The following OGG1 variants were observed in gnomAD, a reference collection of about 807,000 sequenced individuals.
OGG1 encodes the protein 8-oxoguanine DNA glycosylase.
A neutral mutation model predicts 42.3 loss-of-function variants in OGG1; 35 were observed. The ratio of observed to expected loss-of-function variants is 0.83; its 90% CI spans 0.63 to 1.10. The LOEUF is 1.10. Among genes scored for constraint, OGG1 ranks in the 50% least tolerant of loss-of-function variants. OGG1 has a pLI of 0.00. For synonymous variants in OGG1, 189 were observed against 179.0 expected, an observed-to-expected ratio of 1.06 and a Z score of -0.44; for missense variants, 484 against 446.7, an observed-to-expected ratio of 1.08 and a Z score of -0.75.
Position 9,771,886 on chromosome 3 carries a change from G to A in OGG1, c.295-9627G>A, listed in dbSNP as rs190638729. On this transcript the variant is annotated intron_variant, in intron 2 of 3. Transcript: ENST00000426518. ...GGCTGGAGTGCAATGGTGCCATCTC[G>A]CCTCACTGCAACCTCCGCCTCCTGG... 3.2e-3 allele frequency among the ~76,000 whole-genome samples: 409 copies of A among 128,974 alleles called. 3 individuals carry two copies. The highest frequency in any genetic ancestry group is 0.028 in the Middle Eastern group (5 of 176). The allele number at this position is 128,974 out of a possible 152,430, so 84.6% of individuals were successfully genotyped here. A position where few individuals can be genotyped will look rare whatever the true frequency, so the allele number is the denominator to read the frequency against.
At chr3:9,763,634 A>G (rs1398078897) in intron 7 of OGG1, among the ~76,000 whole-genome samples, 2 of 152,050 alleles carry the variant, frequency 1.3e-5, no homozygotes, top group Non-Finnish European at 2.9e-5. Flanking sequence ...GTCACATGCT[A>G]TTTGGGTGCA....
chr3:9,781,831 T>G (rs1160568404), intron 3 of OGG1, among the ~76,000 whole-genome samples: 1 of 136,364 alleles, frequency 7.3e-6, no homozygotes, highest in East Asian at 2.3e-4. Flanking sequence ...TGCCCATTAC[T>G]TCTTTTTTTT....
intron 3 of OGG1, chr3:9,787,194 C>CA: frequency 6.2e-7 from 1 of 1,614,196 alleles, no homozygotes; most frequent in Non-Finnish European, 8.5e-7. Context: ...AGGTGAGAGG[C>CA]CTACCTTTAG....
chr3:9,750,348 C>A lies in OGG1; in HGVS notation c.62C>A (p.Ala21Asp). 1 of 1,613,978 alleles carries A rather than the reference C, an allele frequency of 6.2e-7. No individual in the cohort carries two copies. The highest frequency in any genetic ancestry group is 8.5e-7 in the Non-Finnish European group (1 of 1,180,030). The change falls in exon 1 of 7, where the codon GCC (alanine) becomes GAC (aspartate). Residue 21 changes from alanine (A) to aspartate (D), a missense_variant. Transcript: ENST00000344629. Reference protein sequence around the residue: ...MGHRTLASTPALWASIPCPRS... With the variant: ...MGHRTLASTPDLWASIPCPRS... ...CATCGTACTCTAGCCTCCACTCCTG[C>A]CCTGTGGGCCTCCATCCCGTGCCCT... is the stretch of plus-strand genomic sequence containing the variant.
chr3:9,778,918 A>T (rs2078400657), intron 2 of OGG1, among the ~76,000 whole-genome samples: 1 of 152,138 alleles, frequency 6.6e-6, no homozygotes, highest in Admixed American at 6.5e-5. Flanking sequence ...CTCCTTCTTT[A>T]TGGCTCAGTT....
intron 6 of OGG1, 24 bp downstream of exon 6, chr3:9,756,840 C>T: frequency 3.1e-6 from 5 of 1,613,232 alleles, no homozygotes; most frequent in Non-Finnish European, 3.4e-6. Context: ...GGTGTCCTCC[C>T]TAGGTTTCCT....
At chr3:9,774,366 AC>A in intron 2 of OGG1, among the ~76,000 whole-genome samples, 1 of 144,538 alleles carries the variant, frequency 6.9e-6, no homozygotes, top group Non-Finnish European at 1.5e-5. Flanking sequence ...CTGAGATTGC[AC>A]CATTGCACTC....
In OGG1 at chr3:9,756,783, C is replaced by G; in HGVS notation, c.915C>G (p.Ser305Arg). 6.2e-7 allele frequency: 1 copy of G among 1,614,116 alleles called. No individual in the cohort carries two copies. The highest frequency in any genetic ancestry group is 8.5e-7 in the Non-Finnish European group (1 of 1,180,020). ...CTGATTTAGGAAACTTTTTCCGGAG[C>G]CTGTGGGGACCTTATGCTGGCTGGG... ...TNKELGNFFR[S>R]LWGPYAGWAQ... Residue 305 changes from serine (S) to arginine (R), a missense_variant, in exon 6 of 7, where the codon AGC becomes AGG. Ser to Arg is a moderately radical substitution (Grantham distance 110). Transcript: ENST00000344629.
Position 9,763,201 on chromosome 3 carries a change from G to T in OGG1, c.1049-2608G>T, listed in dbSNP as rs148286667. On this transcript the variant is annotated intron_variant, in intron 7 of 7. Coordinates refer to the OGG1 transcript ENST00000302008. ...AGATGTCATCCAGGGCTACAATGTT[G>T]GGGTGCTTGATCCTGAAAGGAGAAA... is the stretch of plus-strand genomic sequence containing the variant. 36 of 1,613,878 alleles carry T rather than the reference G, an allele frequency of 2.2e-5. No homozygotes were observed. The African/African-American group carries it at 3.5e-4, about 16-fold the overall frequency.
downstream of OGG1, among the ~76,000 whole-genome samples, chr3:9,790,969 C>T (rs2078715778): frequency 6.6e-6 from 1 of 152,196 alleles, no homozygotes; most frequent in Admixed American, 6.5e-5. Context: ...AGCTCCCTGA[C>T]AGCCATAACT....
downstream of OGG1, chr3:9,760,820 C>G (rs548202677): frequency 4.4e-6 from 7 of 1,608,938 alleles, no homozygotes; most frequent in Non-Finnish European, 5.9e-6. Context: ...CCGTTGGCTC[C>G]GGGGTGGAGC....
At chr3:9,786,277 G>A (rs1387298751) in intron 3 of OGG1, among the ~76,000 whole-genome samples, 4 of 152,086 alleles carry the variant, frequency 2.6e-5, no homozygotes, top group African/African-American at 9.7e-5. Context: ...TGACAATTAC[G>A]CCCAGAGTGA....
At chr3:9,784,327 C>T (rs2078553543) in intron 3 of OGG1, 1 of 1,372,184 alleles carries the variant, frequency 7.3e-7, no homozygotes, top group Non-Finnish European at 9.8e-7. Flanking sequence ...CTTTGGGCAC[C>T]CCCTCTGTAT....
chr3:9,780,491 T>C, intron 2 of OGG1: 1 of 1,609,942 alleles, frequency 6.2e-7, no homozygotes, highest in Admixed American at 1.7e-5. Context: ...ATGACCTCGT[T>C]GTCAGCCATG....
chr3:9,767,764 C>A (rs746266424), downstream of OGG1: 5 of 1,613,768 alleles, frequency 3.1e-6, no homozygotes, highest in East Asian at 6.7e-5. Context: ...CACTGCCCCC[C>A]GACCACAGCC....
Position 9,751,177 on chromosome 3 carries a change from G to T in OGG1, c.370G>T (p.Ala124Ser). ...GSVDSHFQEV[A>S]QKFQGVRLLR... ...CGTGGACTCCCACTTCCAAGAGGTGGCTCAGAAATTCCAAGGTGAGTACAG... is the reference window on the plus strand; with the variant it reads ...CGTGGACTCCCACTTCCAAGAGGTGTCTCAGAAATTCCAAGGTGAGTACAG... Residue 124 changes from alanine to serine, a missense_variant, in exon 2 of 7, where the codon GCT becomes TCT. Physicochemically the swap from Ala to Ser is moderately conservative, Grantham distance 99. Transcript: ENST00000344629. The T allele has an allele frequency of 6.2e-7, 1 of 1,614,012 alleles. No individual in the cohort carries two copies. Among genetic ancestry groups the T allele is most frequent in the Non-Finnish European group, 8.5e-7 (1 of 1,179,980 alleles).
At chr3:9,761,161 G>C (rs989762428), downstream of OGG1, 2 of 359,126 alleles carry the variant, frequency 5.6e-6, no homozygotes, top group South Asian at 4.1e-5. Context: ...ATCACCTGAC[G>C]TCAGTTTGTA....
chr3:9,763,218 AAGG>A, intron 7 of OGG1: 1 of 1,613,702 alleles, frequency 6.2e-7, no homozygotes, highest in South Asian at 1.1e-5. Flanking sequence ...TTGATCCTGA[AAGG>A]AGAAATGAGG....
intron 1 of OGG1, chr3:9,750,639 C>A: frequency 1.4e-6 from 1 of 729,726 alleles, no homozygotes. Context: ...AAGATAATAG[C>A]ACTTGTTTTT....
Sources: allele counts gnomAD v4.1 joint callset (sites outside exome capture counted in the v4.1 genomes callset), GRCh38; gene constraint gnomAD v4.1.1; transcripts MANE v1.5; gene names NCBI Gene and HGNC (gene_info 2026-07-23, HGNC 2026-07-21).